Variants in ANAPC7 observed in about 807,000 individuals in gnomAD.
ANAPC7 encodes the protein anaphase-promoting complex subunit 7.
ANAPC7 carries 25 observed loss-of-function variants against 63.3 expected under a neutral mutation model. That is an observed-to-expected ratio of 0.39 (90% CI 0.29 to 0.55). The LOEUF is 0.55. ANAPC7 is among the 20% of genes least tolerant of loss of function. The probability of loss-of-function intolerance (pLI) is 0.57; values close to 1 mark genes in which losing one functional copy is unlikely to be tolerated. For missense variants in ANAPC7, 516 were observed against 691.7 expected (o/e 0.75, Z 2.85); for synonymous variants, 241 against 251.7 (o/e 0.96, Z 0.40).
At position 110,396,463 on chromosome 12, in the gene ANAPC7, A is replaced by G. The variant is rs375282612; in HGVS notation, c.102-11T>C. The G allele has an allele frequency of 6.3e-7, 1 of 1,584,062 alleles. No homozygotes were observed. The highest frequency in any genetic ancestry group is 8.6e-7 in the Non-Finnish European group (1 of 1,168,764). On this transcript the variant is annotated splice_polypyrimidine_tract_variant and intron_variant, in intron 1 of 10. Transcript: ENST00000455511. Reference sequence around the variant, plus strand: ...GGGGAGAATAACTCACTAGAAAACAAGAGAAAATGTAATACATCTTTTCCT... The same window carrying G: ...GGGGAGAATAACTCACTAGAAAACAGGAGAAAATGTAATACATCTTTTCCT...
In ANAPC7 at chr12:110,373,894, C is replaced by T. The variant is rs1299419939; in HGVS notation, c.*250G>A. The T allele has an allele frequency of 9.9e-6, 4 of 405,674 alleles. No individual in the cohort carries two copies. Among genetic ancestry groups the T allele is most frequent in the Admixed American group, 4.3e-5 (1 of 23,244 alleles). 25.1% of individuals were successfully genotyped at this position (405,674 alleles called of 1,614,324 possible). A position where few individuals can be genotyped will look rare whatever the true frequency, so the allele number is the denominator to read the frequency against. On this transcript the variant is annotated 3_prime_UTR_variant, in exon 11 of 11. Transcript: ENST00000455511. ...CTTGGCCCAGAAGCCCCAACATGTG[C>T]GTGGGTCTCGGGGCACTCCCTCAGT...
Position 110,396,396 on chromosome 12 carries a change from A to T in ANAPC7, c.158T>A (p.Leu53His). The T allele has an allele frequency of 6.2e-7, 1 of 1,613,944 alleles. No individual in the cohort carries two copies. The highest frequency in any genetic ancestry group is 8.5e-7 in the Non-Finnish European group (1 of 1,179,922). The change falls in exon 2 of 11, where the codon CTC becomes CAC. Residue 53 changes from leucine to histidine, a missense_variant. Physicochemically the swap from Leu to His is moderately conservative, Grantham distance 99 (BLOSUM62 -3). Around this residue, in one of 4 missense-constraint regions of ANAPC7, gnomAD observed 185 missense variants for 200.3 expected, o/e 0.92. Transcript: ENST00000455511. ...ATTCCGATATTCCTTATCATGAAAGAGAGAATCTGCATGATACACCAAAAG... is the reference window on the plus strand; with the variant it reads ...ATTCCGATATTCCTTATCATGAAAGTGAGAATCTGCATGATACACCAAAAG... ...YQLLVYHADSLFHDKEYRNAV... is the reference protein window; with the variant it reads ...YQLLVYHADSHFHDKEYRNAV...
chr12:110,399,829 C>T (rs1019049712), intron 1 of ANAPC7, among the ~76,000 whole-genome samples: 8 of 148,876 alleles, frequency 5.4e-5, no homozygotes, highest in Non-Finnish European at 1.0e-4. Flanking sequence ...GGCGCGGTGG[C>T]TCACGCCTGT....
At chr12:110,382,148 T>C (rs73206870) in intron 7 of ANAPC7, among the ~76,000 whole-genome samples, 200 bp from the exon 8 acceptor site, 17,051 of 151,520 alleles carry the variant, frequency 0.11, 1,161 homozygotes, top group African/African-American at 0.2. Context: ...TAAGGGGAAA[T>C]CTTGATATGG....
chr12:110,382,461 A>AAAATATATATATATAT (rs1555289541), intron 7 of ANAPC7, among the ~76,000 whole-genome samples: 4 of 30,844 alleles, frequency 1.3e-4, no homozygotes, highest in Admixed American at 5.4e-4. Context: ...AAAAAAAAAA[A>AAAATATATATATATAT]ATATATATAT....
intron 10 of ANAPC7, among the ~76,000 whole-genome samples, chr12:110,374,749 TC>T (rs1248582990): frequency 1.3e-5 from 2 of 152,182 alleles, no homozygotes; most frequent in African/African-American, 4.8e-5. Context: ...AGTATAGGTG[TC>T]CCATGTTCTT....
chr12:110,381,265 G>A (rs1399910298), intron 8 of ANAPC7, among the ~76,000 whole-genome samples: 1 of 151,780 alleles, frequency 6.6e-6, no homozygotes, highest in Non-Finnish European at 1.5e-5. Flanking sequence ...CCAATTCCAT[G>A]TATTTCCATC....
At chr12:110,388,650 A>C (rs1882822850) in intron 3 of ANAPC7, 27 bp from the exon 4 acceptor site, 1 of 1,508,148 alleles carries the variant, frequency 6.6e-7, no homozygotes, top group Admixed American at 1.7e-5. Context: ...AACAGATAGC[A>C]AAATAAGCGT....
rs565089675 is a variant in ANAPC7, at chr12:110,392,021, G to A, written c.408+3080C>T. Among the ~76,000 whole-genome samples the A allele has an allele frequency of 4.0e-5, 6 of 148,808 alleles. No individual in the cohort carries two copies. In the East Asian group the frequency reaches 1.0e-3, roughly 25 times the overall value. On this transcript the variant is annotated intron_variant, in intron 3 of 10. Transcript: ENST00000455511. ...GTAGGGGAATCGCTTGAACCCGGGA[G>A]GTGGAGGTTGCAGTGAGCCAAGATT...
intron 3 of ANAPC7, among the ~76,000 whole-genome samples, chr12:110,392,916 C>T (rs1592921462): frequency 6.6e-6 from 1 of 152,316 alleles, no homozygotes; most frequent in Admixed American, 6.5e-5. Context: ...CTGCCTCAGC[C>T]TCCAGAGTAG....
At position 110,396,632 on chromosome 12, in the gene ANAPC7, T is replaced by A. The variant is rs2062142629; in HGVS notation, c.102-180A>T. On this transcript the variant is annotated intron_variant, in intron 1 of 10. Transcript: ENST00000455511. The stretch of plus-strand genomic sequence containing the variant: ...TTCAAGTGATTCTCCTTCCTCAGCC[T>A]CCCGAGTAGCTGAGATTACAGGCAC... 3 of 454,656 alleles carry A rather than the reference T, an allele frequency of 6.6e-6. No homozygotes were observed. The East Asian group carries it at 1.3e-4, about 20-fold the overall frequency. The allele number at this position is 454,656 out of a possible 1,614,324, so 28.2% of individuals were successfully genotyped here.
chr12:110,379,568 T>A (rs776203843), intron 8 of ANAPC7, among the ~76,000 whole-genome samples: 2 of 152,228 alleles, frequency 1.3e-5, no homozygotes, highest in Non-Finnish European at 2.9e-5. Flanking sequence ...AAGAAGTTAA[T>A]CTGAAATCAA....
At chr12:110,388,470 GAC>G (rs1566270521) in intron 4 of ANAPC7, 40 bp downstream of exon 4, 2 of 1,476,314 alleles carry the variant, frequency 1.4e-6, no homozygotes, top group Admixed American at 3.4e-5. Flanking sequence ...TACTATCTTT[GAC>G]AGTAAACATG....
Position 110,386,429 on chromosome 12 carries a change from G to A in ANAPC7, c.715C>T (p.Leu239=), listed in dbSNP as rs748792115. 3 of 1,613,612 alleles carry A rather than the reference G, an allele frequency of 1.9e-6. 1 individual carries two copies. The Admixed American group carries it at 5.0e-5, about 27-fold the overall frequency. The part of the protein sequence containing the change: ...KKSLLRDNVD[L]LGSLADLYFR... Reference sequence around the variant, plus strand: ...TACAGATCTGCCAAGCTTCCCAATAGGTCCACGTTATCTCGCAATAAGGAT... The same window carrying A: ...TACAGATCTGCCAAGCTTCCCAATAAGTCCACGTTATCTCGCAATAAGGAT... The change falls in exon 6 of 11, where the codon CTA becomes TTA. Residue 239 remains leucine (L), a synonymous_variant. Transcript: ENST00000455511.
At chr12:110,390,090 C>T (rs908600427) in intron 3 of ANAPC7, among the ~76,000 whole-genome samples, 4 of 151,008 alleles carry the variant, frequency 2.6e-5, no homozygotes, top group South Asian at 2.1e-4. Flanking sequence ...TTTTTTGAGA[C>T]GGAGTTTCAC....
intron 3 of ANAPC7, 82 bp downstream of exon 3, chr12:110,395,019 C>T: frequency 1.4e-6 from 2 of 1,465,984 alleles, no homozygotes; most frequent in East Asian, 2.3e-5. Context: ...TTCACACGGA[C>T]TCCTTAATGC....
At chr12:110,386,666 G>A (rs60339427) in intron 5 of ANAPC7, 197 bp from the exon 6 acceptor site, 57,269 of 511,538 alleles carry the variant, frequency 0.11, 4,420 homozygotes, top group African/African-American at 0.3. Flanking sequence ...TAAAGCAGAA[G>A]TCTCTCAGTA....
rs574889127 is a variant in ANAPC7 at position 110,394,016 on chromosome 12, C to CA, written c.408+1084dup. On this transcript the variant is annotated intron_variant, in intron 3 of 10. Coordinates refer to ENST00000455511, the MANE Select transcript of ANAPC7 (RefSeq NM_016238.3). The stretch of plus-strand genomic sequence containing the variant: ...TGAAACACCATCTCTACTAAAAATA[C>CA]AAAAAAAAAATTAGCTGGGCGTGGT... Among the ~76,000 whole-genome samples the CA allele has an allele frequency of 7.7e-3, 1,066 of 138,632 alleles. 1 individual carries two copies. The highest frequency in any genetic ancestry group is 0.01 in the Non-Finnish European group (656 of 63,990). The allele number at this position is 138,632 out of a possible 152,430, so 90.9% of individuals were successfully genotyped here. A position where few individuals can be genotyped will look rare whatever the true frequency, so the allele number is the denominator to read the frequency against.
intron 6 of ANAPC7, 115 bp from the exon 7 acceptor site, chr12:110,383,075 G>A (rs1195836780): frequency 4.4e-6 from 3 of 674,280 alleles, no homozygotes; most frequent in East Asian, 5.3e-5. Context: ...TCCTGCAGGG[G>A]CTAAGCCCTT....
Sources: allele counts gnomAD v4.1 joint callset (sites outside exome capture counted in the v4.1 genomes callset), GRCh38; gene constraint gnomAD v4.1.1; regional missense constraint gnomAD v4.1.1; transcripts MANE v1.5; gene names NCBI Gene and HGNC (gene_info 2026-07-23, HGNC 2026-07-21).